The following TOMM40 variants were observed in gnomAD, a reference collection of about 807,000 sequenced individuals.
The protein encoded by TOMM40 is translocase of outer mitochondrial membrane 40, also known as mitochondrial import receptor subunit TOM40 homolog.
Under a neutral mutation model 38.4 loss-of-function variants are expected in TOMM40, and 9 were observed. That is an observed-to-expected ratio of 0.23 (90% CI 0.14 to 0.41). The LOEUF is 0.41. TOMM40 is among the 10% of genes least tolerant of loss of function. The pLI, the probability that TOMM40 is intolerant of heterozygous loss-of-function variation, is 1.00. For missense variants in TOMM40, 299 were observed against 486.5 expected, an observed-to-expected ratio of 0.61 and a Z score of 3.63; for synonymous variants, 184 against 210.0, an observed-to-expected ratio of 0.88 and a Z score of 1.07.
At chr19:44,901,007 C>T (rs779182004) in intron 6 of TOMM40, 21 bp from the exon 7 acceptor site, 4 of 1,613,894 alleles carry the variant, frequency 2.5e-6, no homozygotes, top group Non-Finnish European at 8.5e-7. Context: ...GAGACCCCGC[C>T]TCCACCCCAC....
chr19:44,902,955 AT>A (rs1969710771), intron 8 of TOMM40, 74 bp from the exon 9 acceptor site: 20 of 1,550,956 alleles, frequency 1.3e-5, no homozygotes, highest in Admixed American at 7.6e-5. Context: ...TGTGGCTGGT[AT>A]CCAAGGTGGC....
At position 44,892,890 on chromosome 19, in the gene TOMM40, G is replaced by A. The variant is rs1231243868; in HGVS notation, c.396G>A (p.Gly132=). 2 of 1,613,798 alleles carry A rather than the reference G, an allele frequency of 1.2e-6. No individual in the cohort carries two copies. Among genetic ancestry groups the A allele is most frequent in the Non-Finnish European group, 8.5e-7 (1 of 1,179,888 alleles). ...STIGESNYHF[G]VTYVGTKQLS... is the part of the protein sequence containing the mutation. ...TCGGGGAGTCCAACTACCACTTCGGGGTCACATATGTGGGGACAAAGCAGC... is the reference window on the plus strand; with the variant it reads ...TCGGGGAGTCCAACTACCACTTCGGAGTCACATATGTGGGGACAAAGCAGC... The change falls in exon 3 of 9, where the codon GGG becomes GGA. Residue 132 remains glycine (G), a synonymous_variant. Coordinates refer to ENST00000426677, the MANE Select transcript of TOMM40 (RefSeq NM_001128917.2).
At chr19:44,902,843 G>A in intron 8 of TOMM40, 187 bp from the exon 9 acceptor site, 1 of 675,436 alleles carries the variant, frequency 1.5e-6, no homozygotes, top group Non-Finnish European at 2.4e-6. Context: ...TGAGCGGAGA[G>A]CAGAGGAGGA....
rs183109719 is a variant in TOMM40 at position 44,903,579 on chromosome 19, C to T, written c.*410C>T. The T allele has an allele frequency of 4.8e-4, 80 of 167,960 alleles. No homozygotes were observed. Among genetic ancestry groups the T allele is most frequent in the Middle Eastern group, 2.7e-3 (1 of 364 alleles). 10.4% of individuals were successfully genotyped at this position (167,960 alleles called of 1,614,324 possible). On this transcript the variant is annotated 3_prime_UTR_variant, in exon 9 of 9. Coordinates refer to ENST00000426677, the MANE Select transcript of TOMM40 (RefSeq NM_001128917.2). ...CCCGGTCAGTCCACCCTGCCCCGTC[C>T]ACTTTCCCATCTCCTCGGTATAAAT...
At chr19:44,902,849 G>A in intron 8 of TOMM40, 181 bp from the exon 9 acceptor site, 2 of 706,700 alleles carry the variant, frequency 2.8e-6, no homozygotes, top group Non-Finnish European at 4.5e-6. Flanking sequence ...GAGAGCAGAG[G>A]AGGAGTGAGC....
At chr19:44,901,174 T>C (rs741780) in intron 7 of TOMM40, 34 bp from the exon 8 acceptor site, 725,144 of 1,613,054 alleles carry the variant, frequency 0.45, 166,521 homozygotes, top group African/African-American at 0.64. Context: ...TGGGGCCACT[T>C]GCTAATTCTC....
At chr19:44,896,245 G>A (rs777859407) in intron 5 of TOMM40, among the ~76,000 whole-genome samples, 9 of 152,180 alleles carry the variant, frequency 5.9e-5, no homozygotes, top group South Asian at 2.1e-4. Context: ...AGGGCCTGCC[G>A]TGTGCCGGTC....
At chr19:44,896,792 C>T (rs940353083) in intron 5 of TOMM40, among the ~76,000 whole-genome samples, 2 of 152,160 alleles carry the variant, frequency 1.3e-5, no homozygotes. Flanking sequence ...CAGTGGCTCA[C>T]ACCTGTAATC....
Position 44,903,026 on chromosome 19 carries a change from G to A in TOMM40, c.947-4G>A, listed in dbSNP as rs768164720. Reference sequence around the variant, plus strand: ...ACGCCTCTCACCTCAGCTCTTCCCTGCAGGCTCTGTGGATAGCAACTGGAT... The same window carrying A: ...ACGCCTCTCACCTCAGCTCTTCCCTACAGGCTCTGTGGATAGCAACTGGAT... On this transcript the variant is annotated splice_region_variant and splice_polypyrimidine_tract_variant and intron_variant, in intron 8 of 8. Coordinates refer to ENST00000426677, the MANE Select transcript of TOMM40 (RefSeq NM_001128917.2). 16 of 1,612,062 alleles carry A rather than the reference G, an allele frequency of 9.9e-6. No individual in the cohort carries two copies. The South Asian group carries it at 1.5e-4, about 16-fold the overall frequency.
rs369864519 is a variant in TOMM40 at position 44,894,076 on chromosome 19, G to A, written c.643+10G>A. 44 of 1,485,584 alleles carry A rather than the reference G, an allele frequency of 3.0e-5. No homozygotes were observed. Among genetic ancestry groups the A allele is most frequent in the South Asian group, 9.7e-5 (7 of 71,838 alleles). 92.0% of individuals were successfully genotyped at this position (1,485,584 alleles called of 1,614,324 possible). ...GTCCTCGTGGGTTCAGGTAAGAGGC[G>A]GAGGGCTTGGAGGGTGGTCACAAAA... On this transcript the variant is annotated intron_variant, in intron 5 of 8. Transcript: ENST00000426677.
At chr19:44,892,969 TAAC>T (rs748706128) in intron 3 of TOMM40, 40 bp downstream of exon 3, 13 of 1,548,754 alleles carry the variant, frequency 8.4e-6, no homozygotes, top group South Asian at 2.3e-5. Flanking sequence ...ATCCTTCTAA[TAAC>T]AAATTTGTAG....
chr19:44,895,646 T>G (rs1969550842), intron 5 of TOMM40, among the ~76,000 whole-genome samples: 1 of 152,088 alleles, frequency 6.6e-6, no homozygotes, highest in East Asian at 1.9e-4. Context: ...CAAGCGATTC[T>G]CCTGCCTCAG....
chr19:44,900,462 C>T (rs1279171113), intron 5 of TOMM40, among the ~76,000 whole-genome samples: 1 of 152,172 alleles, frequency 6.6e-6, no homozygotes, highest in Non-Finnish European at 1.5e-5. Flanking sequence ...TGGTGACCCC[C>T]TCTGTAAGTG....
Position 44,895,103 on chromosome 19 carries a change from C to T in TOMM40, c.643+1037C>T, listed in dbSNP as rs140021317. ...GTCTTTGTGCAGCCATCCACTGTGTCGTGGAGAGCAGGCTCTTGAGCGCTG... is the reference window on the plus strand; with the variant it reads ...GTCTTTGTGCAGCCATCCACTGTGTTGTGGAGAGCAGGCTCTTGAGCGCTG... On this transcript the variant is annotated intron_variant, in intron 5 of 8. Coordinates refer to ENST00000426677, the MANE Select transcript of TOMM40 (RefSeq NM_001128917.2). Among the ~76,000 whole-genome samples the T allele has an allele frequency of 2.9e-3, 439 of 152,246 alleles. 3 individuals carry two copies. Among genetic ancestry groups the T allele is most frequent in the African/African-American group, 9.8e-3 (409 of 41,540 alleles).
At chr19:44,901,642 C>T (rs942305642) in intron 8 of TOMM40, 5 of 450,934 alleles carry the variant, frequency 1.1e-5, no homozygotes, top group African/African-American at 2.0e-5. Flanking sequence ...GAGGCTGAGG[C>T]GGGAAAATGG....
chr19:44,903,068 G>C lies in TOMM40; in HGVS notation c.985G>C (p.Glu329Gln). 2 of 1,613,068 alleles carry C rather than the reference G, an allele frequency of 1.2e-6. No homozygotes were observed. The highest frequency in any genetic ancestry group is 1.7e-6 in the Non-Finnish European group (2 of 1,179,998). ...CAACTGGATCGTGGGTGCCACGCTG[G>C]AGAAGAAGCTCCCACCCCTGCCCCT... Reference protein sequence around the residue: ...DSNWIVGATLEKKLPPLPLTL... With the variant: ...DSNWIVGATLQKKLPPLPLTL... The change falls in exon 9 of 9, where the codon GAG becomes CAG. Residue 329 changes from glutamate (E) to glutamine (Q), a missense_variant. Physicochemically the swap from Glu to Gln is conservative, Grantham distance 29. Transcript: ENST00000426677.
At chr19:44,892,693 G>A (rs1048153606) in intron 2 of TOMM40, 144 bp from the exon 3 acceptor site, 4 of 787,094 alleles carry the variant, frequency 5.1e-6, no homozygotes, top group Non-Finnish European at 6.5e-6. Flanking sequence ...GGGCCTACCG[G>A]CAGCACCTCC....
In TOMM40 at chr19:44,891,370, G is replaced by A; in HGVS notation, c.-46G>A. ...TTTGCTGGGGCTGAGTCGGGGGCGCGCGGGCCCTGACCTCTGCCCTCTGAC... is the reference window on the plus strand; with the variant it reads ...TTTGCTGGGGCTGAGTCGGGGGCGCACGGGCCCTGACCTCTGCCCTCTGAC... On this transcript the variant is annotated 5_prime_UTR_variant, in exon 1 of 9. Coordinates refer to ENST00000426677, the MANE Select transcript of TOMM40 (RefSeq NM_001128917.2). The A allele has an allele frequency of 1.6e-6, 2 of 1,234,196 alleles. No homozygotes were observed. Among genetic ancestry groups the A allele is most frequent in the South Asian group, 3.7e-5 (1 of 27,334 alleles). The allele number at this position is 1,234,196 out of a possible 1,614,324, so 76.5% of individuals were successfully genotyped here.
intron 5 of TOMM40, among the ~76,000 whole-genome samples, chr19:44,898,094 C>T (rs1048504699): frequency 3.3e-5 from 5 of 152,132 alleles, no homozygotes; most frequent in African/African-American, 1.2e-4. Flanking sequence ...CATGAACTCA[C>T]GGCCTCTCTC....
Sources: allele counts gnomAD v4.1 joint callset (sites outside exome capture counted in the v4.1 genomes callset), GRCh38; gene constraint gnomAD v4.1.1; transcripts MANE v1.5; gene names NCBI Gene and HGNC (gene_info 2026-07-23, HGNC 2026-07-21).